HS2ST1: variants seen among roughly 807,000 people sequenced by gnomAD.
HS2ST1 encodes 2-O-sulfotransferase.
A neutral mutation model predicts 42.9 loss-of-function variants in HS2ST1; 18 were observed. The observed-to-expected ratio is 0.42, with a 90% CI of 0.29 to 0.62. HS2ST1 has a LOEUF of 0.62. HS2ST1 is among the 20% of genes least tolerant of loss of function. The pLI is 0.21. For synonymous variants in HS2ST1, 146 were observed against 152.9 expected (o/e 0.95, Z 0.33); for missense variants, 334 against 433.8 (o/e 0.77, Z 2.04).
chr1:86,963,649 C>T (rs1320370791), intron 1 of HS2ST1, among the ~76,000 whole-genome samples: 3 of 150,934 alleles, frequency 2.0e-5, no homozygotes, highest in Admixed American at 1.3e-4. Context: ...CATCATGGCC[C>T]GTTCTCAGTG....
At position 87,108,077 on chromosome 1, in the gene HS2ST1, C is replaced by T. The variant is rs1652366428; in HGVS notation, c.*3381C>T. 1 of 151,998 alleles carries T rather than the reference C, an allele frequency of 6.6e-6. No homozygotes were observed. 9.4% of individuals were successfully genotyped at this position (151,998 alleles called of 1,614,324 possible). The stretch of plus-strand genomic sequence containing the variant: ...TTGGAAATTCCTCAAATCGTTGGTG[C>T]CATCAGTGATTTACAAACAATATTT... On this transcript the variant is annotated 3_prime_UTR_variant, in exon 7 of 7. Transcript: ENST00000370550.
At position 87,101,149 on chromosome 1, in the gene HS2ST1, G is replaced by GTGTTTTTT. The variant is rs1557546421; in HGVS notation, c.687-2282_687-2281insGTTTTTTT. 2.9e-4 allele frequency among the ~76,000 whole-genome samples: 17 copies of GTGTTTTTT among 59,540 alleles called. 2 individuals carry two copies. Among genetic ancestry groups the GTGTTTTTT allele is most frequent in the East Asian group, 2.4e-3 (4 of 1,670 alleles). The allele number at this position is 59,540 out of a possible 152,430, so 39.1% of individuals were successfully genotyped here. A position where few individuals can be genotyped will look rare whatever the true frequency, so the allele number is the denominator to read the frequency against. On this transcript the variant is annotated intron_variant, in intron 5 of 6. Coordinates refer to ENST00000370550, the MANE Select transcript of HS2ST1 (RefSeq NM_012262.4). ...TCATCACTTTTGTGTGTGTGTGTGTGTTTTTTGTTTTTTTTTTTTTTTTTT... is the reference window on the plus strand; with the variant it reads ...TCATCACTTTTGTGTGTGTGTGTGTGTGTTTTTTTTTTTTGTTTTTTTTTTTTTTTTTT...
At chr1:87,063,582 G>T (rs571299301) in intron 1 of HS2ST1, among the ~76,000 whole-genome samples, 2 of 152,050 alleles carry the variant, frequency 1.3e-5, no homozygotes, top group Admixed American at 6.6e-5. Flanking sequence ...TGATCCACCC[G>T]CCTCGGCTTC....
chr1:86,967,405 T>C (rs1648080161), intron 1 of HS2ST1, among the ~76,000 whole-genome samples: 1 of 152,328 alleles, frequency 6.6e-6, no homozygotes, highest in Non-Finnish European at 1.5e-5. Context: ...ACCAAAGTAG[T>C]GTACATTGTA....
Position 87,108,124 on chromosome 1 carries a change from T to G in HS2ST1, c.*3428T>G, listed in dbSNP as rs1553145080. ...ATTTTGATATTGCAGATGACTTGCT[T>G]ACTGTATTTGCATTGTTAGAAAACA... On this transcript the variant is annotated 3_prime_UTR_variant, in exon 7 of 7. Transcript: ENST00000370550. The G allele has an allele frequency of 6.6e-6, 1 of 152,144 alleles. No homozygotes were observed. The highest frequency in any genetic ancestry group is 1.5e-5 in the Non-Finnish European group (1 of 67,978). The allele number at this position is 152,144 out of a possible 1,614,324, so 9.4% of individuals were successfully genotyped here. A position where few individuals can be genotyped will look rare whatever the true frequency, so the allele number is the denominator to read the frequency against.
chr1:87,010,055 C>CA (rs11345061), intron 1 of HS2ST1, among the ~76,000 whole-genome samples: 14,940 of 148,366 alleles, frequency 0.1, 805 homozygotes, highest in Non-Finnish European at 0.12. Context: ...CAAAACAAAA[C>CA]AAAAAAAAAA....
intron 1 of HS2ST1, among the ~76,000 whole-genome samples, chr1:87,007,576 T>C (rs1649476941): frequency 1.3e-5 from 2 of 152,172 alleles, no homozygotes; most frequent in Non-Finnish European, 1.5e-5. Context: ...TTTCACTTCA[T>C]ACCTGTTACT....
chr1:86,918,761 T>A (rs1028793555), intron 1 of HS2ST1, among the ~76,000 whole-genome samples: 3 of 152,036 alleles, frequency 2.0e-5, no homozygotes, highest in Non-Finnish European at 2.9e-5. Context: ...AATCAGCTTT[T>A]AATTTTTGCC....
At chr1:87,074,927 A>G (rs1283707617) in intron 2 of HS2ST1, among the ~76,000 whole-genome samples, 3 of 151,996 alleles carry the variant, frequency 2.0e-5, no homozygotes, top group Non-Finnish European at 4.4e-5. Flanking sequence ...CTCTTGTTCT[A>G]TGTAGACGCA....
At chr1:87,003,266 ATTAGT>A (rs777240215) in intron 1 of HS2ST1, among the ~76,000 whole-genome samples, 19 of 143,646 alleles carry the variant, frequency 1.3e-4, no homozygotes, top group Non-Finnish European at 2.0e-4. Flanking sequence ...TAGGTATGAA[ATTAGT>A]TTAGGCTAAG....
At chr1:87,050,321 C>T (rs926972876) in intron 1 of HS2ST1, among the ~76,000 whole-genome samples, 3 of 150,546 alleles carry the variant, frequency 2.0e-5, no homozygotes, top group Non-Finnish European at 3.0e-5. Context: ...TTGATAGATC[C>T]CATCAAGTAA....
At chr1:87,055,219 T>C (rs559546598) in intron 1 of HS2ST1, among the ~76,000 whole-genome samples, 1 of 152,348 alleles carries the variant, frequency 6.6e-6, no homozygotes, top group East Asian at 1.9e-4. Context: ...AGCTACATAC[T>C]TGATTTCTCA....
chr1:86,983,813 C>T (rs577288396), intron 1 of HS2ST1, among the ~76,000 whole-genome samples: 7 of 151,918 alleles, frequency 4.6e-5, no homozygotes, highest in Non-Finnish European at 7.4e-5. Context: ...GAGGCCGAGG[C>T]GGGTGGATCA....
intron 1 of HS2ST1, among the ~76,000 whole-genome samples, chr1:86,924,164 C>T (rs556316665): frequency 6.6e-6 from 1 of 152,350 alleles, no homozygotes; most frequent in South Asian, 2.1e-4. Context: ...AATCTTAAAC[C>T]TTCAAAATGA....
intron 1 of HS2ST1, among the ~76,000 whole-genome samples, chr1:87,070,908 A>G (rs568512851): frequency 6.2e-4 from 94 of 152,250 alleles, no homozygotes; most frequent in Non-Finnish European, 1.1e-3. Flanking sequence ...GCAGCTGTCT[A>G]TCTGCTACTT....
intron 1 of HS2ST1, among the ~76,000 whole-genome samples, chr1:86,982,346 C>G (rs1648620530): frequency 1.3e-5 from 2 of 152,350 alleles, no homozygotes; most frequent in African/African-American, 2.4e-5. Flanking sequence ...ACACACGTTT[C>G]TGCAGCTGGC....
intron 1 of HS2ST1, among the ~76,000 whole-genome samples, chr1:86,944,310 T>G (rs1428338618): frequency 6.6e-6 from 1 of 152,166 alleles, no homozygotes; most frequent in Admixed American, 6.5e-5. Context: ...AATGCCAGAA[T>G]GACATAAACG....
At chr1:87,029,314 A>G (rs927692004) in intron 1 of HS2ST1, among the ~76,000 whole-genome samples, 1 of 152,226 alleles carries the variant, frequency 6.6e-6, no homozygotes, top group Non-Finnish European at 1.5e-5. Context: ...TTTTTGCATT[A>G]GAATTTCTAC....
chr1:87,071,147 G>A (rs1651394611), intron 1 of HS2ST1, among the ~76,000 whole-genome samples: 1 of 152,184 alleles, frequency 6.6e-6, no homozygotes, highest in Non-Finnish European at 1.5e-5. Context: ...CCCACTGCTA[G>A]TAAGCAGCAG....
Sources: gnomAD v4.1 joint callset for allele counts (sites outside exome capture counted in the v4.1 genomes callset) on GRCh38, gnomAD v4.1.1 for gene constraint, MANE v1.5 for transcripts, NCBI Gene and HGNC (gene_info 2026-07-23, HGNC 2026-07-21) for gene names.